LYST: variants seen among roughly 807,000 people sequenced by gnomAD.
LYST encodes the protein lysosomal trafficking regulator, also known as lysosomal-trafficking regulator.
In LYST, 192 loss-of-function variants were observed where a neutral mutation model predicts 413.6. The observed-to-expected ratio is 0.46, with a 90% CI of 0.41 to 0.52. LYST has a LOEUF of 0.52. Ranked by LOEUF, LYST falls within the 20% of genes least tolerant of loss-of-function variation. The pLI, the probability that LYST is intolerant of heterozygous loss-of-function variation, is 0.00. For synonymous variants in LYST, 1,525 were observed against 1,567.3 expected, an observed-to-expected ratio of 0.97 and a Z score of 0.64; for missense variants, 3,815 against 4,499.9, an observed-to-expected ratio of 0.85 and a Z score of 4.35.
chr1:235,780,591 GAAT>G (rs1558234130), intron 16 of LYST, among the ~76,000 whole-genome samples: 1 of 151,764 alleles, frequency 6.6e-6, no homozygotes, highest in Non-Finnish European at 1.5e-5. Flanking sequence ...CATTTTTCCT[GAAT>G]AATTAGTAGG....
chr1:235,744,233 T>TA (rs774016498), intron 29 of LYST, 76 bp from the exon 30 acceptor site: 3 of 775,900 alleles, frequency 3.9e-6, no homozygotes, highest in African/African-American at 1.7e-5. Flanking sequence ...ATAATACTGG[T>TA]AAAAAATATT....
At position 235,780,909 on chromosome 1, in the gene LYST, C is replaced by A; in HGVS notation, c.5170G>T (p.Glu1724Ter). Residue 1724 changes from glutamate (E) to a stop codon, truncating the protein, a stop_gained, in exon 16 of 53, where the codon GAA (glutamate) becomes TAA (stop). Transcript: ENST00000389793. LOFTEE classifies it high-confidence loss of function. ...ACATCTTTCTTGGTCATAAAAAGTT[C>A]TCTGATTTGTTCACATCGCAAAATT... ...KEILRCEQIRELFMTKKDVDI... is the reference protein window; with the variant it reads ...KEILRCEQIR 6.4e-7 allele frequency: 1 copy of A among 1,573,858 alleles called. No homozygotes were observed. The highest frequency in any genetic ancestry group is 8.7e-7 in the Non-Finnish European group (1 of 1,154,188).
intron 25 of LYST, 150 bp from the exon 26 acceptor site, chr1:235,753,424 C>G: frequency 3.3e-6 from 2 of 609,684 alleles, no homozygotes; most frequent in Non-Finnish European, 5.8e-6. Context: ...TTTAAAATGA[C>G]AGAGTCCCTC....
chr1:235,736,867 T>C (rs1363875780), intron 31 of LYST: 1 of 151,780 alleles, frequency 6.6e-6, no homozygotes, highest in Non-Finnish European at 1.5e-5. Flanking sequence ...GTCAGTTACC[T>C]ACACAGAGAG....
At chr1:235,678,907 T>G (rs1382203675) in intron 48 of LYST, among the ~76,000 whole-genome samples, 1 of 152,216 alleles carries the variant, frequency 6.6e-6, no homozygotes, top group Non-Finnish European at 1.5e-5. Context: ...TTTAGGTATC[T>G]TCTGCATCTT....
Position 235,759,014 on chromosome 1 carries a change from A to C in LYST, c.6839T>G (p.Leu2280Arg), listed in dbSNP as rs532110495. The change falls in exon 23 of 53, where the codon CTT becomes CGT. Residue 2280 changes from leucine to arginine, a missense_variant. Leu to Arg is a moderately radical substitution (Grantham distance 102). Around this residue, in one of 4 missense-constraint regions of LYST, gnomAD observed 771 missense variants for 837.1 expected, o/e 0.92. Transcript: ENST00000389793. The part of the protein sequence containing the change: ...TDDWENFAYS[L>R]GYEPNYNRTA... Reference sequence around the variant, plus strand: ...TCGGTTGTAATTTGGCTCATAACCAAGAGAATAGGCAAAGTTTTCCCAATC... The same window carrying C: ...TCGGTTGTAATTTGGCTCATAACCACGAGAATAGGCAAAGTTTTCCCAATC... 4 of 1,614,084 alleles carry C rather than the reference A, an allele frequency of 2.5e-6. No individual in the cohort carries two copies. The South Asian group carries it at 3.3e-5, about 13-fold the overall frequency.
intron 21 of LYST, among the ~76,000 whole-genome samples, chr1:235,763,132 A>G (rs1572182089): frequency 6.6e-6 from 1 of 152,190 alleles, no homozygotes; most frequent in African/African-American, 2.4e-5. Flanking sequence ...ACATTTAACT[A>G]TTCACTTTTA....
At chr1:235,671,967 G>GAGAAGTT (rs1658977958) in intron 50 of LYST, among the ~76,000 whole-genome samples, 1 of 152,176 alleles carries the variant, frequency 6.6e-6, no homozygotes, top group Non-Finnish European at 1.5e-5. Flanking sequence ...GTTAGGGTAG[G>GAGAAGTT]AGAAGTTAGA....
intron 30 of LYST, among the ~76,000 whole-genome samples, chr1:235,743,120 G>C (rs1159037189): frequency 2.0e-5 from 3 of 152,152 alleles, no homozygotes; most frequent in Non-Finnish European, 4.4e-5. Context: ...CTGAAGATAA[G>C]GGGAAACTAC....
At chr1:235,839,114 T>G (rs556726229) in intron 1 of LYST, among the ~76,000 whole-genome samples, 2 of 152,228 alleles carry the variant, frequency 1.3e-5, no homozygotes, top group Non-Finnish European at 2.9e-5. Flanking sequence ...CGTGAGCCAC[T>G]GCACCTGGCC....
chr1:235,693,793 G>A (rs997845446), intron 46 of LYST, among the ~76,000 whole-genome samples: 10 of 152,190 alleles, frequency 6.6e-5, no homozygotes, highest in South Asian at 2.1e-4. Flanking sequence ...CTCTATTCAT[G>A]TTCTGAGACA....
At chr1:235,828,234 T>C (rs563739193) in intron 3 of LYST, 205 of 817,080 alleles carry the variant, frequency 2.5e-4, no homozygotes, top group Middle Eastern at 6.3e-4. Flanking sequence ...TCTGGAGAGA[T>C]AGAAAGTAGA....
At chr1:235,764,605 T>C (rs1483220917) in intron 21 of LYST, among the ~76,000 whole-genome samples, 1 of 148,024 alleles carries the variant, frequency 6.8e-6, no homozygotes, top group African/African-American at 2.5e-5. Context: ...GTTCAAGCCA[T>C]TCTCCTGCCT....
chr1:235,871,146 C>T (rs1333847458), upstream of LYST, among the ~76,000 whole-genome samples: 1 of 152,158 alleles, frequency 6.6e-6, no homozygotes, highest in African/African-American at 2.4e-5. Flanking sequence ...TTGAAGAGGT[C>T]AATTCATAAT....
chr1:235,744,190 CAT>C (rs1665687745), intron 29 of LYST, 33 bp from the exon 30 acceptor site: 1 of 1,122,292 alleles, frequency 8.9e-7, no homozygotes, highest in African/African-American at 1.5e-5. Flanking sequence ...CAAAATTAGT[CAT>C]ATCACTGCTA....
At position 235,841,097 on chromosome 1, in the gene LYST, A is replaced by G. The variant is rs796122090; in HGVS notation, c.-97-7430T>C. On this transcript the variant is annotated intron_variant, in intron 1 of 52. Coordinates refer to ENST00000389793, the MANE Select transcript of LYST (RefSeq NM_000081.4). ...TATTAGGCCAGTGACTAACTTCTTT[A>G]CAGTGACTACTGAGACTAAATCCAC... Among the ~76,000 whole-genome samples, 3 of 150,568 alleles carry G rather than the reference A, an allele frequency of 2.0e-5. No homozygotes were observed. In the South Asian group the frequency reaches 6.2e-4, roughly 31 times the overall value.
intron 1 of LYST, among the ~76,000 whole-genome samples, chr1:235,878,719 G>T (rs937172666): frequency 5.3e-5 from 8 of 152,118 alleles, no homozygotes; most frequent in African/African-American, 1.9e-4. Context: ...TGATAATTAG[G>T]TCTAATAGGA....
At chr1:235,804,453 C>A in intron 7 of LYST, 51 bp downstream of exon 7, 1 of 1,441,972 alleles carries the variant, frequency 6.9e-7, no homozygotes, top group Non-Finnish European at 9.8e-7. Context: ...CCCACACTTC[C>A]GCCTCTGCTG....
chr1:235,689,761 T>C (rs1207549108), intron 47 of LYST, among the ~76,000 whole-genome samples: 1 of 152,224 alleles, frequency 6.6e-6, no homozygotes. Context: ...AAACATCACA[T>C]TGTATACCTT....
Sources: gnomAD v4.1 joint callset for allele counts (sites outside exome capture counted in the v4.1 genomes callset) on GRCh38, gnomAD v4.1.1 for gene constraint, gnomAD v4.1.1 regional missense constraint, MANE v1.5 for transcripts, NCBI Gene and HGNC (gene_info 2026-07-23, HGNC 2026-07-21) for gene names.